The following HSCB variants were observed in gnomAD, a reference collection of about 807,000 sequenced individuals.
HSCB encodes iron-sulfur cluster co-chaperone protein HscB.
In HSCB, 23 loss-of-function variants were observed where a neutral mutation model predicts 31.3. The ratio of observed to expected loss-of-function variants is 0.74; its 90% CI spans 0.53 to 1.04. The LOEUF (loss-of-function observed/expected upper bound fraction) is 1.04. HSCB is among the 50% of genes least tolerant of loss of function. HSCB has a pLI of 0.00. For synonymous variants in HSCB, 110 were observed against 104.5 expected (o/e 1.05, Z -0.32); for missense variants, 297 against 288.1 (o/e 1.03, Z -0.22).
intron 4 of HSCB, among the ~76,000 whole-genome samples, chr22:28,750,306 G>C (rs80318240): frequency 0.013 from 1,832 of 140,386 alleles, 45 homozygotes; most frequent in African/African-American, 0.045. Context: ...GTAAACATTT[G>C]ACTTTGAGCA....
chr22:28,751,104 G>A (rs2030214178), intron 4 of HSCB, 137 bp from the exon 5 acceptor site: 1 of 607,176 alleles, frequency 1.6e-6, no homozygotes, highest in Non-Finnish European at 3.0e-6. Flanking sequence ...AGAGACAAAG[G>A]TTATGAAGCC....
rs759255457 is a variant in HSCB at position 28,742,199 on chromosome 22, G to T, written c.104G>T (p.Gly35Val). 6.2e-7 allele frequency: 1 copy of T among 1,613,940 alleles called. No homozygotes were observed. Among genetic ancestry groups the T allele is most frequent in the Non-Finnish European group, 8.5e-7 (1 of 1,179,962 alleles). ...PLSCDAASQA[G>V]SNYPRCWNCG... ...AGCTGCGATGCTGCGTCGCAGGCGG[G>T]AAGCAATTATCCCCGCTGTTGGAAC... Residue 35 changes from glycine (G) to valine (V), a missense_variant, in exon 1 of 6, where the codon GGA becomes GTA. Physicochemically the swap from Gly to Val is moderately radical, Grantham distance 109. Coordinates refer to ENST00000216027, the MANE Select transcript of HSCB (RefSeq NM_172002.5).
intron 2 of HSCB, 129 bp from the exon 3 acceptor site, chr22:28,744,486 A>G: frequency 1.5e-6 from 1 of 651,702 alleles, no homozygotes; most frequent in Non-Finnish European, 2.8e-6. Flanking sequence ...TGGGAGGTGG[A>G]GGTTGCAGTG....
At chr22:28,746,137 T>C in intron 4 of HSCB, 129 bp downstream of exon 4, 2 of 832,356 alleles carry the variant, frequency 2.4e-6, no homozygotes, top group Middle Eastern at 3.9e-4. Flanking sequence ...TCCCAGCACT[T>C]TGGGAGGCCA....
chr22:28,742,162 A>T lies in HSCB; in HGVS notation c.67A>T (p.Arg23Trp). The T allele has an allele frequency of 6.2e-7, 1 of 1,613,778 alleles. No individual in the cohort carries two copies. Among genetic ancestry groups the T allele is most frequent in the Non-Finnish European group, 8.5e-7 (1 of 1,179,916 alleles). ...GTTTTGGCCGACAGGGGTTCCCAGA[A>T]GGAGACCGCTAAGCTGCGATGCTGC... ...WGFWPTGVPR[R>W]RPLSCDAASQ... is the part of the protein sequence containing the mutation. Residue 23 changes from arginine to tryptophan, a missense_variant, in exon 1 of 6, where the codon AGG becomes TGG. Transcript: ENST00000216027.
At chr22:28,750,822 AGT>A (rs1293195265) in intron 4 of HSCB, among the ~76,000 whole-genome samples, 1 of 152,124 alleles carries the variant, frequency 6.6e-6, no homozygotes, top group East Asian at 1.9e-4. Context: ...ACAGTTTGCA[AGT>A]GGTTGCCGGA....
chr22:28,742,076 C>G lies in HSCB; in HGVS notation c.-20C>G. 1.3e-6 allele frequency: 2 copies of G among 1,596,406 alleles called. No homozygotes were observed. The highest frequency in any genetic ancestry group is 1.7e-6 in the Non-Finnish European group (2 of 1,172,616). ...TGCTTTTCCCCACGAGTGACCACGG[C>G]TAGATAGGCCGCCGGCCAGATGTGG... On this transcript the variant is annotated 5_prime_UTR_variant, in exon 1 of 6. Coordinates refer to ENST00000216027, the MANE Select transcript of HSCB (RefSeq NM_172002.5).
At position 28,747,882 on chromosome 22, in the gene HSCB, C is replaced by G. The variant is rs569810990; in HGVS notation, c.568+1874C>G. On this transcript the variant is annotated intron_variant, in intron 4 of 5. Coordinates refer to ENST00000216027, the MANE Select transcript of HSCB (RefSeq NM_172002.5). Reference sequence around the variant, plus strand: ...TGTCTCCCCTCCCCACCTTTCCCCCCCAAAAAAATCTGTTCCTCTTAGGCT... The same window carrying G: ...TGTCTCCCCTCCCCACCTTTCCCCCGCAAAAAAATCTGTTCCTCTTAGGCT... Among the ~76,000 whole-genome samples, 395 of 149,508 alleles carry G rather than the reference C, an allele frequency of 2.6e-3. 3 individuals are homozygous for G. The highest frequency in any genetic ancestry group is 8.8e-3 in the African/African-American group (365 of 41,422).
chr22:28,742,424 G>A (rs1601380969), intron 1 of HSCB, 93 bp downstream of exon 1: 3 of 1,532,042 alleles, frequency 2.0e-6, no homozygotes, highest in Admixed American at 1.9e-5. Flanking sequence ...TGGCGGAAGA[G>A]AAGGCGGGAC....
chr22:28,751,036 A>G (rs1043090413), intron 4 of HSCB, among the ~76,000 whole-genome samples: 1 of 143,258 alleles, frequency 7.0e-6, no homozygotes, highest in African/African-American at 2.6e-5. Flanking sequence ...TTGGAAAAAC[A>G]GTGTTATTAG....
In HSCB at chr22:28,755,088, C is replaced by G. The variant is rs536826298; in HGVS notation, c.617-1990C>G. On this transcript the variant is annotated intron_variant, in intron 5 of 5. Coordinates refer to ENST00000216027, the MANE Select transcript of HSCB (RefSeq NM_172002.5). Reference sequence around the variant, plus strand: ...GGATTACAGGCGTGAGCCACCGCGCCTGGCCCTAAAATTTTTTGAATACAA... The same window carrying G: ...GGATTACAGGCGTGAGCCACCGCGCGTGGCCCTAAAATTTTTTGAATACAA... Among the ~76,000 whole-genome samples the G allele has an allele frequency of 2.0e-5, 3 of 148,332 alleles. No individual in the cohort carries two copies. In the East Asian group the frequency reaches 6.5e-4, roughly 32 times the overall value.
intron 5 of HSCB, among the ~76,000 whole-genome samples, chr22:28,754,566 A>T (rs1305882878): frequency 6.6e-6 from 1 of 151,936 alleles, no homozygotes; most frequent in Non-Finnish European, 1.5e-5. Flanking sequence ...GCTACTTGGG[A>T]GTCTGAGGCA....
At chr22:28,744,303 A>G (rs2054646417) in intron 2 of HSCB, among the ~76,000 whole-genome samples, 2 of 152,168 alleles carry the variant, frequency 1.3e-5, no homozygotes, top group African/African-American at 4.8e-5. Context: ...TGTAATCCCA[A>G]CACTTTGGGA....
intron 5 of HSCB, among the ~76,000 whole-genome samples, 174 bp downstream of exon 5, chr22:28,751,462 A>C (rs933115621): frequency 1.3e-5 from 2 of 152,146 alleles, no homozygotes; most frequent in African/African-American, 4.8e-5. Flanking sequence ...AAGAATCTAC[A>C]TTTCTGGCCA....
chr22:28,754,150 A>G (rs1377226654), intron 5 of HSCB, among the ~76,000 whole-genome samples: 1 of 152,098 alleles, frequency 6.6e-6, no homozygotes, highest in Non-Finnish European at 1.5e-5. Flanking sequence ...ACAAACAAAA[A>G]AAAATCTGAC....
chr22:28,751,343 C>A, intron 5 of HSCB, 55 bp downstream of exon 5: 1 of 1,016,718 alleles, frequency 9.8e-7, no homozygotes, highest in Non-Finnish European at 1.5e-6. Flanking sequence ...AGCACTGAAG[C>A]ATAGCCATTC....
Position 28,750,247 on chromosome 22 carries a change from C to CAAAAAAAAAA in HSCB, c.569-974_569-965dup, listed in dbSNP as rs563701958. 1.0e-3 allele frequency among the ~76,000 whole-genome samples: 66 copies of CAAAAAAAAAA among 64,710 alleles called. 3 individuals are homozygous for CAAAAAAAAAA. The highest frequency in any genetic ancestry group is 3.8e-3 in the East Asian group (10 of 2,626). 42.5% of individuals were successfully genotyped at this position (64,710 alleles called of 152,430 possible). On this transcript the variant is annotated intron_variant, in intron 4 of 5. Coordinates refer to ENST00000216027, the MANE Select transcript of HSCB (RefSeq NM_172002.5). ...CTGGGCAACAAGAGCGAAACTGTCT[C>CAAAAAAAAAA]AAAAAAAAAAAAAAAAAAAAAAAAA...
intron 5 of HSCB, among the ~76,000 whole-genome samples, chr22:28,756,467 CTT>C (rs11392708): frequency 3.7e-5 from 5 of 133,508 alleles, no homozygotes; most frequent in Admixed American, 7.5e-5. Flanking sequence ...ACCACCCACC[CTT>C]TTTTTTTTTT....
chr22:28,748,820 A>T (rs566223307), intron 4 of HSCB, among the ~76,000 whole-genome samples: 1 of 151,936 alleles, frequency 6.6e-6, no homozygotes, highest in African/African-American at 2.4e-5. Context: ...CCCGGCCAAA[A>T]CCCAAATCTA....
Sources: allele counts gnomAD v4.1 joint callset (sites outside exome capture counted in the v4.1 genomes callset), GRCh38; gene constraint gnomAD v4.1.1; transcripts MANE v1.5; gene names NCBI Gene and HGNC (gene_info 2026-07-23, HGNC 2026-07-21).